Variants in ERBB4 observed in about 807,000 individuals in gnomAD.
ERBB4 encodes the protein receptor tyrosine-protein kinase erbB-4.
A neutral mutation model predicts 158.0 loss-of-function variants in ERBB4; 42 were observed. That is an observed-to-expected ratio of 0.27 (90% CI 0.21 to 0.34). The LOEUF (loss-of-function observed/expected upper bound fraction) is 0.34, where lower values mean the gene tolerates loss of function less well. Among genes scored for constraint, ERBB4 ranks in the 10% least tolerant of loss-of-function variants. The pLI is 1.00. For synonymous variants in ERBB4, 583 were observed against 558.7 expected, an observed-to-expected ratio of 1.04 and a Z score of -0.61; for missense variants, 1,333 against 1,624.1, an observed-to-expected ratio of 0.82 and a Z score of 3.08.
chr2:212,047,634 G>C (rs991435073), intron 2 of ERBB4, among the ~76,000 whole-genome samples: 1 of 145,424 alleles, frequency 6.9e-6, no homozygotes. Context: ...CACCACACTT[G>C]GCTAATTTTT....
At chr2:211,401,368 G>A (rs931779006) in intron 25 of ERBB4, among the ~76,000 whole-genome samples, 2 of 152,028 alleles carry the variant, frequency 1.3e-5, no homozygotes, top group Non-Finnish European at 2.9e-5. Context: ...CAGAGTATAG[G>A]TTGGCATTGA....
chr2:212,124,993 A>G (rs1399518562), intron 1 of ERBB4, 90 bp from the exon 2 acceptor site: 2 of 1,435,838 alleles, frequency 1.4e-6, no homozygotes, highest in Non-Finnish European at 2.0e-6. Flanking sequence ...TCTATTCCAC[A>G]AGCCTATCCC....
Position 211,620,041 on chromosome 2 carries a change from G to A in ERBB4, c.2203-766C>T, listed in dbSNP as rs544139032. On this transcript the variant is annotated intron_variant, in intron 18 of 27. Transcript: ENST00000342788. ...AAAGTATAAAGTTGGTAGAGTTTGA[G>A]TGAAATACAACATTAAGCTAAATAA... Among the ~76,000 whole-genome samples, 495 of 152,228 alleles carry A rather than the reference G, an allele frequency of 3.3e-3. 9 individuals carry two copies. The South Asian group carries it at 0.059, about 18-fold the overall frequency.
At chr2:212,254,250 C>T (rs2084642831) in intron 1 of ERBB4, among the ~76,000 whole-genome samples, 1 of 152,022 alleles carries the variant, frequency 6.6e-6, no homozygotes, top group South Asian at 2.1e-4. Flanking sequence ...AACGTATTTG[C>T]TCATTATTTT....
At chr2:212,084,130 G>C (rs1575609804) in intron 2 of ERBB4, among the ~76,000 whole-genome samples, 1 of 151,856 alleles carries the variant, frequency 6.6e-6, no homozygotes, top group South Asian at 2.1e-4. Flanking sequence ...AAATAATTGA[G>C]AGTCGATTGT....
chr2:211,867,216 T>G (rs1036306623), intron 3 of ERBB4, among the ~76,000 whole-genome samples: 3 of 152,166 alleles, frequency 2.0e-5, no homozygotes, highest in Admixed American at 1.3e-4. Context: ...AGTTAATATT[T>G]TGTATCTGCT....
At chr2:211,762,244 C>A (rs576317440) in intron 4 of ERBB4, among the ~76,000 whole-genome samples, 2 of 152,086 alleles carry the variant, frequency 1.3e-5, no homozygotes, top group Non-Finnish European at 2.9e-5. Flanking sequence ...CAGTAAGGTA[C>A]CACAGGTCAA....
intron 2 of ERBB4, among the ~76,000 whole-genome samples, chr2:212,053,380 T>A (rs1244896391): frequency 3.9e-5 from 6 of 152,112 alleles, no homozygotes; most frequent in Non-Finnish European, 1.5e-5. Flanking sequence ...TCTGATAATG[T>A]TCCACCTGGA....
chr2:211,808,720 G>T (rs2076677892), intron 3 of ERBB4, among the ~76,000 whole-genome samples: 1 of 152,192 alleles, frequency 6.6e-6, no homozygotes, highest in African/African-American at 2.4e-5. Flanking sequence ...ACTTCGGGCA[G>T]TATGGCCATT....
chr2:212,168,180 GT>G (rs2081407956), intron 1 of ERBB4, among the ~76,000 whole-genome samples: 1 of 151,838 alleles, frequency 6.6e-6, no homozygotes, highest in Non-Finnish European at 1.5e-5. Flanking sequence ...CACTTAAACT[GT>G]TTTCTTTTTT....
intron 4 of ERBB4, among the ~76,000 whole-genome samples, chr2:211,775,200 C>T (rs1335802058): frequency 1.3e-5 from 2 of 152,188 alleles, no homozygotes; most frequent in South Asian, 2.1e-4. Context: ...AGGGTTGTCA[C>T]TGCTAGTCAT....
At chr2:212,349,981 T>C (rs1357115212) in intron 1 of ERBB4, among the ~76,000 whole-genome samples, 1 of 151,990 alleles carries the variant, frequency 6.6e-6, no homozygotes. Flanking sequence ...GATGAAAAAA[T>C]GAACAAAGGT....
At chr2:212,081,638 C>T (rs2078446716) in intron 2 of ERBB4, among the ~76,000 whole-genome samples, 1 of 152,120 alleles carries the variant, frequency 6.6e-6, no homozygotes, top group Admixed American at 6.6e-5. Context: ...CTTCCAAAAG[C>T]CACATTTCTT....
intron 2 of ERBB4, among the ~76,000 whole-genome samples, chr2:211,973,044 A>G (rs928695920): frequency 1.3e-5 from 2 of 152,130 alleles, no homozygotes; most frequent in Non-Finnish European, 2.9e-5. Flanking sequence ...AATGTCCAGT[A>G]TCTATAAGGA....
At chr2:211,822,115 A>C (rs1165385407) in intron 3 of ERBB4, among the ~76,000 whole-genome samples, 1 of 151,946 alleles carries the variant, frequency 6.6e-6, no homozygotes, top group Non-Finnish European at 1.5e-5. Context: ...TAGAAGTAAA[A>C]AGTAGAAAAG....
At chr2:212,105,941 T>C (rs2079213714) in intron 2 of ERBB4, among the ~76,000 whole-genome samples, 1 of 152,234 alleles carries the variant, frequency 6.6e-6, no homozygotes, top group Non-Finnish European at 1.5e-5. Context: ...GTGTAAGACA[T>C]GTCTTTTGCT....
intron 3 of ERBB4, among the ~76,000 whole-genome samples, chr2:211,877,377 T>C (rs1375702463): frequency 6.6e-6 from 1 of 152,158 alleles, no homozygotes; most frequent in Admixed American, 6.5e-5. Context: ...AAGAAATATA[T>C]TTTTATTTAA....
In ERBB4 at chr2:211,378,121, G is replaced by A. The variant is rs1319043828; in HGVS notation, c.*5494C>T. ...GTAGAAAGGGAAGAGAGCAGTGCCA[G>A]TTGTGTCAATGGGCAAAAAAGGGAA... On this transcript the variant is annotated 3_prime_UTR_variant, in exon 28 of 28. Transcript: ENST00000342788. 1 of 233,036 alleles carries A rather than the reference G, an allele frequency of 4.3e-6. No individual in the cohort carries two copies. Among genetic ancestry groups the A allele is most frequent in the African/African-American group, 2.2e-5 (1 of 45,288 alleles). 14.4% of individuals were successfully genotyped at this position (233,036 alleles called of 1,614,324 possible). A position where few individuals can be genotyped will look rare whatever the true frequency, so the allele number is the denominator to read the frequency against.
chr2:211,842,108 A>G (rs1253054017), intron 3 of ERBB4, among the ~76,000 whole-genome samples: 3 of 152,074 alleles, frequency 2.0e-5, no homozygotes, highest in Non-Finnish European at 4.4e-5. Context: ...TCCTAAATTA[A>G]GTTGCCGATT....
Sources: gnomAD v4.1 joint callset for allele counts (sites outside exome capture counted in the v4.1 genomes callset) on GRCh38, gnomAD v4.1.1 for gene constraint, MANE v1.5 for transcripts, NCBI Gene and HGNC (gene_info 2026-07-23, HGNC 2026-07-21) for gene names.